DLG1: variants seen among roughly 807,000 people sequenced by gnomAD.
DLG1 encodes the protein discs large MAGUK scaffold protein 1.
Under a neutral mutation model 123.4 loss-of-function variants are expected in DLG1, and 42 were observed. The ratio of observed to expected loss-of-function variants is 0.34; its 90% confidence interval spans 0.27 to 0.44. The LOEUF is 0.44. DLG1 is among the 20% of genes least tolerant of loss of function. The probability of loss-of-function intolerance (pLI) is 1.00; values close to 1 mark genes in which losing one functional copy is unlikely to be tolerated. For synonymous variants in DLG1, 317 were observed against 356.2 expected (o/e 0.89, Z 1.24); for missense variants, 942 against 1,082.6 (o/e 0.87, Z 1.82).
intron 22 of DLG1, among the ~76,000 whole-genome samples, chr3:197,061,521 C>T (rs898669217): frequency 6.6e-6 from 1 of 152,196 alleles, no homozygotes; most frequent in Admixed American, 6.5e-5. Flanking sequence ...AATTCAGGAT[C>T]ATAGGATCAC....
chr3:197,132,273 T>C (rs915405157), intron 10 of DLG1, among the ~76,000 whole-genome samples: 2 of 145,338 alleles, frequency 1.4e-5, no homozygotes, highest in Non-Finnish European at 3.0e-5. Context: ...TAGGTTTGGA[T>C]TGTTCTTCTC....
At position 197,298,525 on chromosome 3, in the gene DLG1, G is replaced by A. The variant is rs1579662599; in HGVS notation, c.-32+11C>T. 4.5e-5 allele frequency: 18 copies of A among 398,592 alleles called. No homozygotes were observed. In the Admixed American group the frequency reaches 6.2e-4, roughly 14 times the overall value. 24.7% of individuals were successfully genotyped at this position (398,592 alleles called of 1,614,324 possible). On this transcript the variant is annotated intron_variant, in intron 1 of 24. Transcript: ENST00000667157. Reference sequence around the variant, plus strand: ...GTGACCTCGCCTACACCAGATCCAAGGCGCACATACCGAGACACCCCTCAA... The same window carrying A: ...GTGACCTCGCCTACACCAGATCCAAAGCGCACATACCGAGACACCCCTCAA...
In DLG1 at chr3:197,246,704, T is replaced by C. The variant is rs1340778722; in HGVS notation, c.318+35975A>G. Among the ~76,000 whole-genome samples the C allele has an allele frequency of 2.6e-5, 4 of 152,084 alleles. No individual in the cohort carries two copies. In the East Asian group the frequency reaches 7.7e-4, roughly 29 times the overall value. ...TGTTTGCGTTAATGAAAAGGTGAAA[T>C]GATTTTTCTAGGGATGGCAGCGCTA... On this transcript the variant is annotated intron_variant, in intron 4 of 24. Coordinates refer to ENST00000667157, the MANE Select transcript of DLG1 (RefSeq NM_001366207.1).
At chr3:197,130,734 T>C (rs772424949) in intron 10 of DLG1, 63 bp from the exon 11 acceptor site, 1 of 1,351,746 alleles carries the variant, frequency 7.4e-7, no homozygotes, top group Non-Finnish European at 1.0e-6. Context: ...TTGGAAACAA[T>C]TTCACGAAAA....
At chr3:197,105,886 A>G (rs1320705986) in intron 13 of DLG1, among the ~76,000 whole-genome samples, 1 of 152,222 alleles carries the variant, frequency 6.6e-6, no homozygotes, top group Non-Finnish European at 1.5e-5. Context: ...ACCTTCACTG[A>G]AAATTTTTGG....
Position 197,282,640 on chromosome 3 carries a change from T to C in DLG1, c.318+39A>G, listed in dbSNP as rs200943540. ...AAACATAGTAACATAAATAAATTGA[T>C]CACCAAAAAACAGCTTCAGAACACA... On this transcript the variant is annotated intron_variant, in intron 4 of 24. Coordinates refer to ENST00000667157, the MANE Select transcript of DLG1 (RefSeq NM_001366207.1). 89 of 1,369,576 alleles carry C rather than the reference T, an allele frequency of 6.5e-5. No individual in the cohort carries two copies. The South Asian group carries it at 1.1e-3, about 17-fold the overall frequency. 84.8% of individuals were successfully genotyped at this position (1,369,576 alleles called of 1,614,324 possible). A position where few individuals can be genotyped will look rare whatever the true frequency, so the allele number is the denominator to read the frequency against.
intron 5 of DLG1, among the ~76,000 whole-genome samples, chr3:197,153,475 G>A (rs978939372): frequency 1.3e-5 from 2 of 152,134 alleles, no homozygotes; most frequent in African/African-American, 4.8e-5. Flanking sequence ...AAGCCACGGT[G>A]GGCAGAGAAA....
At chr3:197,276,805 C>A (rs922822212) in intron 4 of DLG1, among the ~76,000 whole-genome samples, 7 of 152,056 alleles carry the variant, frequency 4.6e-5, no homozygotes, top group Non-Finnish European at 8.8e-5. Flanking sequence ...GCATTTTTAA[C>A]CTTTTAATTT....
At position 197,229,226 on chromosome 3, in the gene DLG1, A is replaced by C. The variant is rs546121666; in HGVS notation, c.319-34637T>G. Among the ~76,000 whole-genome samples the C allele has an allele frequency of 3.3e-4, 50 of 152,104 alleles. 1 individual carries two copies. The highest frequency in any genetic ancestry group is 6.2e-4 in the Non-Finnish European group (42 of 68,016). ...GAATGCACACTTTAACACACTATTTACTAGAAGTCCCATCCCAGCACTTTA... is the reference window on the plus strand; with the variant it reads ...GAATGCACACTTTAACACACTATTTCCTAGAAGTCCCATCCCAGCACTTTA... On this transcript the variant is annotated intron_variant, in intron 4 of 24. Coordinates refer to ENST00000667157, the MANE Select transcript of DLG1 (RefSeq NM_001366207.1).
At chr3:197,072,095 T>C (rs1258164860) in intron 18 of DLG1, among the ~76,000 whole-genome samples, 2 of 152,252 alleles carry the variant, frequency 1.3e-5, no homozygotes, top group Non-Finnish European at 2.9e-5. Flanking sequence ...CATGTCATTA[T>C]CTTTAAATAT....
chr3:197,098,027 T>C (rs1220642237), intron 14 of DLG1, among the ~76,000 whole-genome samples: 1 of 152,170 alleles, frequency 6.6e-6, no homozygotes, highest in Non-Finnish European at 1.5e-5. Flanking sequence ...TTCTGTATAA[T>C]TTTATTTTTA....
At chr3:197,045,752 G>A (rs959568139) in intron 24 of DLG1, among the ~76,000 whole-genome samples, 2 of 151,936 alleles carry the variant, frequency 1.3e-5, no homozygotes, top group African/African-American at 2.4e-5. Flanking sequence ...CTTGTGTCTC[G>A]TAAAAAAGTT....
intron 19 of DLG1, chr3:197,068,488 T>G (rs770488107): frequency 6.5e-7 from 1 of 1,547,848 alleles, no homozygotes; most frequent in Admixed American, 1.7e-5. Context: ...GGGACTGATA[T>G]TAACAGGATG....
chr3:197,218,878 G>A (rs938319123), intron 4 of DLG1, among the ~76,000 whole-genome samples: 1 of 152,152 alleles, frequency 6.6e-6, no homozygotes, highest in Non-Finnish European at 1.5e-5. Context: ...ACGCCTGTAA[G>A]CCCAGCACTT....
At chr3:197,074,240 T>C (rs1262634017) in intron 18 of DLG1, among the ~76,000 whole-genome samples, 1 of 152,168 alleles carries the variant, frequency 6.6e-6, no homozygotes, top group Non-Finnish European at 1.5e-5. Context: ...ATTCTTTTAA[T>C]TCCTGTGAGA....
intron 7 of DLG1, among the ~76,000 whole-genome samples, chr3:197,141,763 C>T (rs988493375): frequency 3.4e-5 from 5 of 147,126 alleles, no homozygotes; most frequent in African/African-American, 1.3e-4. Context: ...CACTCTGTCA[C>T]CCAGGCTAGA....
chr3:197,253,434 A>G (rs1041651291), intron 4 of DLG1, among the ~76,000 whole-genome samples: 1 of 152,204 alleles, frequency 6.6e-6, no homozygotes, highest in African/African-American at 2.4e-5. Flanking sequence ...TCGATCATTC[A>G]CACATTGCTG....
chr3:197,296,380 G>A lies in DLG1; in HGVS notation c.117C>T (p.Asn39=). 6.2e-7 allele frequency: 1 copy of A among 1,613,680 alleles called. No homozygotes were observed. Among genetic ancestry groups the A allele is most frequent in the South Asian group, 1.1e-5 (1 of 91,064 alleles). ...CCTGAAAGAGGTTGCTCTGAAATAT[G>A]TTAATAACCCGTTCTATGGAACTTC... ...QLRSSIERVI[N]IFQSNLFQAL... The change falls in exon 3 of 25, where the codon AAC becomes AAT. Residue 39 remains asparagine (N), a synonymous_variant. Coordinates refer to ENST00000667157, the MANE Select transcript of DLG1 (RefSeq NM_001366207.1).
chr3:197,153,785 T>A (rs56306435), intron 5 of DLG1, among the ~76,000 whole-genome samples: 2 of 152,068 alleles, frequency 1.3e-5, no homozygotes, highest in African/African-American at 4.8e-5. Context: ...GGGGAAGGCA[T>A]AGGCTCAGAA....
Sources: gnomAD v4.1 joint callset for allele counts (sites outside exome capture counted in the v4.1 genomes callset) on GRCh38, gnomAD v4.1.1 for gene constraint, MANE v1.5 for transcripts, NCBI Gene and HGNC (gene_info 2026-07-23, HGNC 2026-07-21) for gene names.